The following ADGRV1 variants were observed in gnomAD, a reference collection of about 807,000 sequenced individuals.
ADGRV1 encodes adhesion G protein-coupled receptor V1.
ADGRV1 carries 359 observed loss-of-function variants against 596.2 expected under a neutral mutation model. The observed-to-expected ratio is 0.60, with a 90% confidence interval of 0.55 to 0.66. The LOEUF (loss-of-function observed/expected upper bound fraction) is 0.66, where lower values mean the gene tolerates loss of function less well. Ranked by LOEUF, ADGRV1 falls within the 30% of genes least tolerant of loss-of-function variation. ADGRV1 has a pLI of 0.00. For missense variants in ADGRV1, 7,274 were observed against 7,575.6 expected (o/e 0.96, Z 1.48); for synonymous variants, 2,681 against 2,679.2 (o/e 1.00, Z -0.02).
At chr5:91,126,977 G>A in intron 87 of ADGRV1, among the ~76,000 whole-genome samples, 1 of 152,202 alleles carries the variant, frequency 6.6e-6, no homozygotes. Context: ...CCAGGTGTCT[G>A]TTCTATAGAC....
rs751390243 is a variant in ADGRV1 at position 90,692,722 on chromosome 5, A to T, written c.7069A>T (p.Met2357Leu). ...TTATGGTACAGTAGCCTTTGCTCAG[A>T]TGGTTTATCGTGTTCAAGAGCCTCT... ...DPYGTVAFAQMVYRVQEPLER... is the reference protein window; with the variant it reads ...DPYGTVAFAQLVYRVQEPLER... The change falls in exon 32 of 90, where the codon ATG becomes TTG. Residue 2357 changes from methionine (M) to leucine (L), a missense_variant. Physicochemically the swap from Met to Leu is conservative, Grantham distance 15. This residue lies in a region of ADGRV1 where 3,643 missense variants were observed against 3,809.2 expected (regional missense o/e 0.96). Coordinates refer to ENST00000405460, the MANE Select transcript of ADGRV1 (RefSeq NM_032119.4). The T allele has an allele frequency of 3.1e-6, 5 of 1,609,754 alleles. No homozygotes were observed. The African/African-American group carries it at 6.7e-5, about 22-fold the overall frequency.
chr5:90,599,615 T>C (rs75771377), intron 1 of ADGRV1, among the ~76,000 whole-genome samples: 1,893 of 150,808 alleles, frequency 0.013, 40 homozygotes, highest in African/African-American at 0.044. Context: ...CTTTATCATC[T>C]TTTTTTTTAT....
In ADGRV1 at chr5:90,627,192, G is replaced by A; in HGVS notation, c.673-19G>A. The A allele has an allele frequency of 2.8e-6, 4 of 1,432,732 alleles. No individual in the cohort carries two copies. Among genetic ancestry groups the A allele is most frequent in the Non-Finnish European group, 3.7e-6 (4 of 1,075,962 alleles). 88.8% of individuals were successfully genotyped at this position (1,432,732 alleles called of 1,614,324 possible). A position where few individuals can be genotyped will look rare whatever the true frequency, so the allele number is the denominator to read the frequency against. On this transcript the variant is annotated intron_variant, in intron 6 of 89. Transcript: ENST00000405460. ...TTTTGGCTGTTGATGTTTTGCCTCT[G>A]TTTATATTCCTTTAACAGGTACCAG...
rs548831563 is a variant in ADGRV1 at position 91,007,924 on chromosome 5, C to T, written c.18152+22402C>T. Among the ~76,000 whole-genome samples the T allele has an allele frequency of 5.3e-5, 8 of 152,152 alleles. No individual in the cohort carries two copies. The South Asian group carries it at 1.7e-3, about 32-fold the overall frequency. On this transcript the variant is annotated intron_variant, in intron 85 of 89. Transcript: ENST00000405460. ...TGCCCTTTGCTTTTTTTTAGAAGAGCATTTCCCATCTCTGCCAAATGATTT... is the reference window on the plus strand; with the variant it reads ...TGCCCTTTGCTTTTTTTTAGAAGAGTATTTCCCATCTCTGCCAAATGATTT...
chr5:90,778,425 A>G lies in ADGRV1; in HGVS notation c.12667-2A>G. ...TGTTGATGACTCTTTGTCTTTTTCTAGGCTTTGAACGATGACATTCCCGAG... is the reference window on the plus strand; with the variant it reads ...TGTTGATGACTCTTTGTCTTTTTCTGGGCTTTGAACGATGACATTCCCGAG... On this transcript the variant is annotated splice_acceptor_variant, in intron 62 of 89. Coordinates refer to ENST00000405460, the MANE Select transcript of ADGRV1 (RefSeq NM_032119.4). LOFTEE classifies it high-confidence loss of function. The G allele has an allele frequency of 6.2e-7, 1 of 1,611,558 alleles. No homozygotes were observed. Among genetic ancestry groups the G allele is most frequent in the Non-Finnish European group, 8.5e-7 (1 of 1,178,738 alleles).
intron 21 of ADGRV1, 100 bp from the exon 22 acceptor site, chr5:90,672,446 T>C: frequency 1.1e-6 from 1 of 920,038 alleles, no homozygotes; most frequent in South Asian, 1.8e-5. Flanking sequence ...TAGAAAGTTG[T>C]AGAATTAAGT....
chr5:90,924,947 T>A (rs925161460), intron 83 of ADGRV1, among the ~76,000 whole-genome samples: 5 of 151,268 alleles, frequency 3.3e-5, no homozygotes, highest in South Asian at 2.1e-4. Flanking sequence ...GTTGTAGATA[T>A]GTGGCGTTAT....
At position 90,685,777 on chromosome 5, in the gene ADGRV1, C is replaced by T; in HGVS notation, c.6275-3C>T. 6.2e-7 allele frequency: 1 copy of T among 1,601,816 alleles called. No homozygotes were observed. Among genetic ancestry groups the T allele is most frequent in the Non-Finnish European group, 8.5e-7 (1 of 1,175,734 alleles). ...TGTTCTGTGTGGATCTTCTGTCTTTCAGTTCCAAATTCTCCACGTCTTGGG... is the reference window on the plus strand; with the variant it reads ...TGTTCTGTGTGGATCTTCTGTCTTTTAGTTCCAAATTCTCCACGTCTTGGG... On this transcript the variant is annotated splice_polypyrimidine_tract_variant and splice_region_variant and intron_variant, in intron 28 of 89. Coordinates refer to ENST00000405460, the MANE Select transcript of ADGRV1 (RefSeq NM_032119.4).
intron 83 of ADGRV1, among the ~76,000 whole-genome samples, chr5:90,927,635 T>A (rs1392528940): frequency 6.6e-6 from 1 of 152,188 alleles, no homozygotes; most frequent in Non-Finnish European, 1.5e-5. Context: ...CATTTACATT[T>A]AAAGTTAATG....
chr5:90,956,901 T>C (rs1171497825), intron 83 of ADGRV1, among the ~76,000 whole-genome samples: 1 of 152,128 alleles, frequency 6.6e-6, no homozygotes, highest in East Asian at 1.9e-4. Context: ...AATGTTAAGA[T>C]GCTATCAATA....
chr5:90,763,262 TG>T (rs1428477494), intron 58 of ADGRV1, 42 bp from the exon 59 acceptor site: 1 of 1,371,782 alleles, frequency 7.3e-7, no homozygotes. Flanking sequence ...CTGCTCTTTT[TG>T]TTTTTTTTTT....
At chr5:90,777,400 T>C (rs1758362079) in intron 61 of ADGRV1, among the ~76,000 whole-genome samples, 1 of 152,160 alleles carries the variant, frequency 6.6e-6, no homozygotes, top group Admixed American at 6.5e-5. Flanking sequence ...TAAATTAGTA[T>C]GATCATAGGC....
Position 90,716,595 on chromosome 5 carries a change from C to CG in ADGRV1, c.9316dup (p.Glu3106GlyfsTer24). 6.2e-7 allele frequency: 1 copy of CG among 1,613,740 alleles called. No individual in the cohort carries two copies. The stretch of plus-strand genomic sequence containing the variant: ...GAGTGTTGCAGTATTGTACATTGTT[C>CG]GGGAACCTGCACAAGGATTGTTTGG... On this transcript the variant is annotated frameshift_variant, in exon 43 of 90. Transcript: ENST00000405460. LOFTEE classifies it high-confidence loss of function.
chr5:90,774,411 TA>T, intron 60 of ADGRV1, 108 bp downstream of exon 60: 5 of 644,998 alleles, frequency 7.8e-6, no homozygotes, highest in Admixed American at 5.1e-5. Context: ...TCATAATTCC[TA>T]AAACATAAAG....
intron 1 of ADGRV1, among the ~76,000 whole-genome samples, chr5:90,587,446 CA>C (rs1240097605): frequency 6.6e-6 from 1 of 151,212 alleles, no homozygotes; most frequent in Non-Finnish European, 1.5e-5. Flanking sequence ...GTATTTTTTA[CA>C]AAGAAAAAAG....
rs568548932 is a variant in ADGRV1, at chr5:90,759,629, G to T, written c.12120+41G>T. 1.2e-4 allele frequency: 179 copies of T among 1,556,198 alleles called. 4 individuals carry two copies. In the South Asian group the frequency reaches 1.9e-3, roughly 17 times the overall value. On this transcript the variant is annotated intron_variant, in intron 58 of 89. Coordinates refer to ENST00000405460, the MANE Select transcript of ADGRV1 (RefSeq NM_032119.4). ...CAGGGGAAAGCCTTGTTTCAGGCTAGCGTTTCATGTAATTTTGAGTAGAAA... is the reference window on the plus strand; with the variant it reads ...CAGGGGAAAGCCTTGTTTCAGGCTATCGTTTCATGTAATTTTGAGTAGAAA...
At chr5:90,950,514 A>T (rs1009659227) in intron 83 of ADGRV1, among the ~76,000 whole-genome samples, 2 of 151,818 alleles carry the variant, frequency 1.3e-5, no homozygotes, top group Non-Finnish European at 2.9e-5. Flanking sequence ...TAGAGACAGG[A>T]TTTTGCCCTG....
At chr5:90,584,779 T>G (rs548722083) in intron 1 of ADGRV1, among the ~76,000 whole-genome samples, 1 of 152,320 alleles carries the variant, frequency 6.6e-6, no homozygotes, top group South Asian at 2.1e-4. Context: ...CAGCCTGTCT[T>G]TGCTAGAAGT....
chr5:90,587,621 A>G (rs151321542), intron 1 of ADGRV1, among the ~76,000 whole-genome samples: 8,007 of 147,116 alleles, frequency 0.054, 704 homozygotes, highest in African/African-American at 0.19. Context: ...CAGTGGTGCA[A>G]TCTTCGCTCA....
Sources: gnomAD v4.1 joint callset for allele counts (sites outside exome capture counted in the v4.1 genomes callset) on GRCh38, gnomAD v4.1.1 for gene constraint, gnomAD v4.1.1 regional missense constraint, MANE v1.5 for transcripts, NCBI Gene and HGNC (gene_info 2026-07-23, HGNC 2026-07-21) for gene names.